Variants in TAFA2 observed in about 807,000 individuals in gnomAD.
TAFA2 encodes chemokine-like protein TAFA-2.
Under a neutral mutation model 18.8 loss-of-function variants are expected in TAFA2, and 7 were observed. The observed-to-expected ratio is 0.37, with a 90% confidence interval of 0.21 to 0.70. The LOEUF (loss-of-function observed/expected upper bound fraction) is 0.70. Among genes scored for constraint, TAFA2 ranks in the 30% least tolerant of loss-of-function variants. TAFA2 has a pLI of 0.53. For synonymous variants in TAFA2, 60 were observed against 54.2 expected (o/e 1.11, Z -0.47); for missense variants, 122 against 158.1 (o/e 0.77, Z 1.23).
chr12:62,155,505 T>G (rs1022575657), intron 1 of TAFA2, among the ~76,000 whole-genome samples: 7 of 151,552 alleles, frequency 4.6e-5, no homozygotes, highest in South Asian at 2.1e-4. Flanking sequence ...CTAAGCAAAA[T>G]GAACAAACCT....
chr12:61,732,751 G>T (rs1027872036), intron 4 of TAFA2, among the ~76,000 whole-genome samples: 2 of 151,946 alleles, frequency 1.3e-5, no homozygotes, highest in Non-Finnish European at 2.9e-5. Context: ...GTGTGTGTGT[G>T]TGTGCGTGCG....
At position 61,716,164 on chromosome 12, in the gene TAFA2, T is replaced by G. The variant is rs550154401; in HGVS notation, c.385-5747A>C. Among the ~76,000 whole-genome samples, 51 of 152,292 alleles carry G rather than the reference T, an allele frequency of 3.3e-4. 1 individual carries two copies. In the South Asian group the frequency reaches 9.5e-3, roughly 28 times the overall value. On this transcript the variant is annotated intron_variant, in intron 4 of 4. Transcript: ENST00000416284. ...AGTATTAACTATTATTATTCAGATA[T>G]GTGTAAATTTTTGGCCATCCAATGT...
At chr12:62,194,696 A>C (rs553560507), upstream of TAFA2, among the ~76,000 whole-genome samples, 1 of 152,330 alleles carries the variant, frequency 6.6e-6, no homozygotes, top group African/African-American at 2.4e-5. Context: ...TCTTCAAAGG[A>C]AACAAAGTAG....
chr12:62,225,993 C>T (rs1362467304), intron 1 of TAFA2, among the ~76,000 whole-genome samples: 2 of 152,180 alleles, frequency 1.3e-5, no homozygotes, highest in South Asian at 2.1e-4. Context: ...GATGATCTCA[C>T]ATAACATGCA....
Position 62,122,718 on chromosome 12 carries a change from C to A in TAFA2, c.-2+68541G>T, listed in dbSNP as rs111403440. Among the ~76,000 whole-genome samples the A allele has an allele frequency of 7.9e-4, 120 of 152,262 alleles. 2 individuals are homozygous for A. Among genetic ancestry groups the A allele is most frequent in the Admixed American group, 2.6e-4 (4 of 15,290 alleles). ...TTGATAACATACAAAGGGCTAGGAA[C>A]CACTCACTGTTCCATATAACCCCAA... On this transcript the variant is annotated intron_variant, in intron 1 of 4. Coordinates refer to ENST00000416284, the MANE Select transcript of TAFA2 (RefSeq NM_178539.5).
chr12:62,133,681 A>C (rs769975552), intron 1 of TAFA2, among the ~76,000 whole-genome samples: 1 of 152,050 alleles, frequency 6.6e-6, no homozygotes, highest in African/African-American at 2.4e-5. Flanking sequence ...GAAAAGAGCA[A>C]GCAAGATAGA....
intron 2 of TAFA2, among the ~76,000 whole-genome samples, chr12:61,764,485 AG>A (rs1457191867): frequency 2.0e-5 from 3 of 151,898 alleles, no homozygotes; most frequent in Non-Finnish European, 4.4e-5. Context: ...AGACAGATTC[AG>A]GATTGGGGCT....
chr12:61,772,247 G>GA (rs1398668005), intron 2 of TAFA2, among the ~76,000 whole-genome samples: 1 of 151,650 alleles, frequency 6.6e-6, no homozygotes, highest in Non-Finnish European at 1.5e-5. Context: ...AAATTGCCAA[G>GA]AAAAAACAAG....
chr12:61,817,863 T>C (rs2121035360), intron 2 of TAFA2, among the ~76,000 whole-genome samples: 2 of 152,290 alleles, frequency 1.3e-5, no homozygotes, highest in South Asian at 2.1e-4. Context: ...GCATTTTTTT[T>C]CCCCAAGTGC....
At chr12:61,810,689 C>T (rs1871828884) in intron 2 of TAFA2, among the ~76,000 whole-genome samples, 1 of 150,774 alleles carries the variant, frequency 6.6e-6, no homozygotes, top group Admixed American at 6.6e-5. Flanking sequence ...TTGGTGGGGT[C>T]ATGTGATTAA....
intron 1 of TAFA2, among the ~76,000 whole-genome samples, chr12:62,141,741 AG>A (rs2062241205): frequency 6.6e-6 from 1 of 152,168 alleles, no homozygotes; most frequent in Non-Finnish European, 1.5e-5. Flanking sequence ...TGCCCCAAAC[AG>A]GGGGAGCTGA....
chr12:62,029,634 A>G (rs1215626754), intron 1 of TAFA2, among the ~76,000 whole-genome samples: 1 of 53,038 alleles, frequency 1.9e-5, no homozygotes, highest in South Asian at 5.7e-4. Flanking sequence ...AACATGGATT[A>G]CTTGGATTAT....
intron 1 of TAFA2, among the ~76,000 whole-genome samples, chr12:62,010,636 G>A (rs923799368): frequency 3.1e-4 from 47 of 151,666 alleles, no homozygotes; most frequent in African/African-American, 9.9e-4. Flanking sequence ...GGTGAGGAGC[G>A]CCTCTGCCCG....
At chr12:62,187,949 A>G (rs1338171069) in intron 1 of TAFA2, among the ~76,000 whole-genome samples, 1 of 152,190 alleles carries the variant, frequency 6.6e-6, no homozygotes, top group Non-Finnish European at 1.5e-5. Flanking sequence ...TAACCAAAGA[A>G]TTTTCAAATA....
intron 1 of TAFA2, among the ~76,000 whole-genome samples, chr12:61,989,479 T>TA (rs1879927042): frequency 6.6e-6 from 1 of 150,652 alleles, no homozygotes; most frequent in Non-Finnish European, 1.5e-5. Flanking sequence ...ACAAGGAATA[T>TA]AAAAATATGT....
intron 1 of TAFA2, among the ~76,000 whole-genome samples, chr12:61,871,897 C>A (rs1052700545): frequency 7.2e-5 from 11 of 152,080 alleles, no homozygotes; most frequent in Admixed American, 2.0e-4. Flanking sequence ...TCGAGACCAT[C>A]CTGGCTAACA....
At chr12:62,156,653 C>A (rs549751132) in intron 1 of TAFA2, among the ~76,000 whole-genome samples, 1 of 152,002 alleles carries the variant, frequency 6.6e-6, no homozygotes, top group African/African-American at 2.4e-5. Flanking sequence ...GCATTTGCAG[C>A]GACCTGGATG....
chr12:61,895,675 G>T (rs978190612), intron 1 of TAFA2, among the ~76,000 whole-genome samples: 2 of 152,088 alleles, frequency 1.3e-5, no homozygotes, highest in Admixed American at 6.6e-5. Flanking sequence ...ATAAACTGGG[G>T]CAATCTCTTC....
chr12:62,130,958 GC>G (rs532656982), intron 1 of TAFA2, among the ~76,000 whole-genome samples: 120 of 152,062 alleles, frequency 7.9e-4, no homozygotes, highest in African/African-American at 2.7e-3. Context: ...CAAGTGATAA[GC>G]ATCAACAAAT....
Sources: gnomAD v4.1 joint callset for allele counts (sites outside exome capture counted in the v4.1 genomes callset) on GRCh38, gnomAD v4.1.1 for gene constraint, MANE v1.5 for transcripts, NCBI Gene and HGNC (gene_info 2026-07-23, HGNC 2026-07-21) for gene names.